The following NBAS variants were observed in gnomAD, a reference collection of about 807,000 sequenced individuals.
The protein encoded by NBAS is NAG/BC035112 fusion.
NBAS carries 219 observed loss-of-function variants against 302.5 expected under a neutral mutation model. That is an observed-to-expected ratio of 0.72 (90% confidence interval 0.65 to 0.81). The LOEUF is 0.81. Ranked by LOEUF, NBAS falls within the 30% of genes least tolerant of loss-of-function variation. The probability of loss-of-function intolerance (pLI) is 0.00; values close to 1 mark genes in which losing one functional copy is unlikely to be tolerated. For synonymous variants in NBAS, 1,118 were observed against 1,021.6 expected (o/e 1.09, Z -1.80); for missense variants, 2,932 against 2,841.6 (o/e 1.03, Z -0.72).
At chr2:14,836,287 A>AT in the NBAS span, among the ~76,000 whole-genome samples, 2 of 151,898 alleles carry the variant, frequency 1.3e-5, no homozygotes, top group South Asian at 4.2e-4. Context: ...GAAGTTTTTC[A>AT]TTTTATTGTG....
At chr2:15,121,741 T>TTG in the NBAS span, among the ~76,000 whole-genome samples, 1 of 152,160 alleles carries the variant, frequency 6.6e-6, no homozygotes, top group East Asian at 1.9e-4. Context: ...TTTTTTTTTT[T>TTG]TTTGCCCGTT....
At chr2:15,234,873 G>A in intron 45 of NBAS, 126 bp from the exon 46 acceptor site, 1 of 946,086 alleles carries the variant, frequency 1.1e-6, no homozygotes, top group Admixed American at 2.0e-5. Context: ...ATACCAAAGG[G>A]CATGTATTAG....
chr2:15,052,707 G>T, the NBAS span, among the ~76,000 whole-genome samples: 1 of 152,126 alleles, frequency 6.6e-6, no homozygotes, highest in African/African-American at 2.4e-5. Context: ...ATAAAAATTT[G>T]CAATATGTAT....
the NBAS span, among the ~76,000 whole-genome samples, chr2:14,961,692 A>G: frequency 6.6e-6 from 1 of 152,230 alleles, no homozygotes; most frequent in Admixed American, 6.5e-5. Flanking sequence ...TAAACCTCTG[A>G]CACAGGTACT....
intron 38 of NBAS, among the ~76,000 whole-genome samples, chr2:15,314,503 C>G (rs1156506601): frequency 6.6e-6 from 1 of 152,188 alleles, no homozygotes; most frequent in Non-Finnish European, 1.5e-5. Context: ...CAGCTTCAAT[C>G]CTGAGGGCAA....
At chr2:15,239,491 G>A (rs980429333) in intron 44 of NBAS, among the ~76,000 whole-genome samples, 2 of 150,184 alleles carry the variant, frequency 1.3e-5, no homozygotes, top group Non-Finnish European at 3.0e-5. Context: ...TTGGATTTTG[G>A]AATACTTGCT....
chr2:14,940,994 G>A, the NBAS span, among the ~76,000 whole-genome samples: 17 of 151,982 alleles, frequency 1.1e-4, no homozygotes, highest in African/African-American at 3.9e-4. Context: ...AGCCTACTAC[G>A]TGCCAGACAT....
the NBAS span, among the ~76,000 whole-genome samples, chr2:15,082,054 A>G: frequency 1.3e-5 from 2 of 152,222 alleles, no homozygotes; most frequent in African/African-American, 2.4e-5. Context: ...AAGACAACTT[A>G]AAACAGACTC....
intron 42 of NBAS, 132 bp from the exon 43 acceptor site, chr2:15,277,233 C>G (rs375012197): frequency 2.7e-5 from 30 of 1,122,450 alleles, no homozygotes; most frequent in African/African-American, 2.5e-4. Context: ...AGTAAACCAC[C>G]ACCAGAAGCC....
In NBAS at chr2:15,396,626, T is replaced by C. The variant is rs111581185; in HGVS notation, c.3072-151A>G. ...TAAATTCATTCAGCATTATTAATGATTCAAGAGAATTATATAAGAAATGCT... is the reference window on the plus strand; with the variant it reads ...TAAATTCATTCAGCATTATTAATGACTCAAGAGAATTATATAAGAAATGCT... On this transcript the variant is annotated intron_variant, in intron 26 of 51. Transcript: ENST00000281513. 1,006 of 557,168 alleles carry C rather than the reference T, an allele frequency of 1.8e-3. 11 individuals carry two copies. Among genetic ancestry groups the C allele is most frequent in the African/African-American group, 0.018 (937 of 52,588 alleles). 34.5% of individuals were successfully genotyped at this position (557,168 alleles called of 1,614,324 possible).
chr2:15,069,473 C>T, the NBAS span, among the ~76,000 whole-genome samples: 44 of 152,056 alleles, frequency 2.9e-4, no homozygotes, highest in East Asian at 6.6e-3. Context: ...TTTTTCTGAA[C>T]GATCTCTATC....
chr2:15,248,062 T>C (rs1049998808), intron 44 of NBAS, among the ~76,000 whole-genome samples: 7 of 152,128 alleles, frequency 4.6e-5, no homozygotes, highest in Non-Finnish European at 8.8e-5. Context: ...AGTAAAACAG[T>C]CCTCAGCAAA....
At chr2:15,336,249 A>G (rs1396450894) in intron 35 of NBAS, among the ~76,000 whole-genome samples, 3 of 152,198 alleles carry the variant, frequency 2.0e-5, no homozygotes, top group East Asian at 3.8e-4. Context: ...TGCACTTACC[A>G]TAATATATTG....
At chr2:14,841,986 A>G in the NBAS span, among the ~76,000 whole-genome samples, 2 of 152,132 alleles carry the variant, frequency 1.3e-5, no homozygotes, top group South Asian at 4.1e-4. Context: ...AATATCAAGT[A>G]TCTTTCCTGA....
chr2:15,264,536 T>A (rs529992159), intron 44 of NBAS, among the ~76,000 whole-genome samples: 4 of 152,170 alleles, frequency 2.6e-5, no homozygotes, highest in African/African-American at 9.7e-5. Context: ...GAAGGAGTTT[T>A]CAGCTTGCCA....
At chr2:15,129,631 C>T in the NBAS span, among the ~76,000 whole-genome samples, 9 of 152,142 alleles carry the variant, frequency 5.9e-5, no homozygotes, top group Non-Finnish European at 1.2e-4. Flanking sequence ...CAATTCAAGC[C>T]CTTCCTTTTC....
chr2:14,875,423 T>A, the NBAS span, among the ~76,000 whole-genome samples: 1 of 152,156 alleles, frequency 6.6e-6, no homozygotes, highest in South Asian at 2.1e-4. Flanking sequence ...AAGACCAACC[T>A]GGCCAACATG....
intron 43 of NBAS, among the ~76,000 whole-genome samples, chr2:15,276,585 G>A (rs749659957): frequency 2.2e-4 from 34 of 152,130 alleles, no homozygotes; most frequent in Admixed American, 6.5e-5. Flanking sequence ...AAATCCTGGA[G>A]CAGAAGTCCA....
chr2:14,921,337 C>T, the NBAS span, among the ~76,000 whole-genome samples: 13 of 152,120 alleles, frequency 8.5e-5, no homozygotes, highest in Non-Finnish European at 1.5e-4. Flanking sequence ...TCACAGATCA[C>T]AATAACAGAT....
Sources: gnomAD v4.1 joint callset for allele counts (sites outside exome capture counted in the v4.1 genomes callset) on GRCh38, gnomAD v4.1.1 for gene constraint, MANE v1.5 for transcripts, NCBI Gene and HGNC (gene_info 2026-07-23, HGNC 2026-07-21) for gene names.